The following AHCYL2 variants were observed in gnomAD, a reference collection of about 807,000 sequenced individuals.
AHCYL2 encodes the protein S-adenosylhomocysteine hydrolase-like protein 2.
A neutral mutation model predicts 81.4 loss-of-function variants in AHCYL2; 28 were observed. The ratio of observed to expected loss-of-function variants is 0.34; its 90% CI spans 0.25 to 0.47. AHCYL2 has a LOEUF of 0.47. AHCYL2 is among the 20% of genes least tolerant of loss of function. The pLI is 1.00. For synonymous variants in AHCYL2, 272 were observed against 290.2 expected, an observed-to-expected ratio of 0.94 and a Z score of 0.64; for missense variants, 551 against 785.1, an observed-to-expected ratio of 0.70 and a Z score of 3.56.
intron 13 of AHCYL2, 97 bp from the exon 14 acceptor site, chr7:129,424,777 A>T: frequency 7.9e-7 from 1 of 1,265,690 alleles, no homozygotes; most frequent in Non-Finnish European, 1.2e-6. Context: ...TTAGTCAGGA[A>T]GTGTTTGGAA....
At chr7:129,391,536 C>G (rs931429091) in intron 4 of AHCYL2, among the ~76,000 whole-genome samples, 10 of 152,152 alleles carry the variant, frequency 6.6e-5, no homozygotes, top group African/African-American at 1.9e-4. Flanking sequence ...TTGTGGCAAC[C>G]AAAAATGCCC....
At chr7:129,316,837 AC>A (rs1797840374) in intron 1 of AHCYL2, among the ~76,000 whole-genome samples, 1 of 152,260 alleles carries the variant, frequency 6.6e-6, no homozygotes, top group Admixed American at 6.5e-5. Flanking sequence ...AACAACAACA[AC>A]AACAGATGAA....
chr7:129,357,847 T>C (rs555303649), intron 1 of AHCYL2, among the ~76,000 whole-genome samples: 1 of 149,622 alleles, frequency 6.7e-6, no homozygotes, highest in Non-Finnish European at 1.5e-5. Flanking sequence ...GGCAGGAGAA[T>C]AGCGTGAATC....
At position 129,279,970 on chromosome 7, in the gene AHCYL2, T is replaced by A. The variant is rs543964891; in HGVS notation, c.363+54531T>A. Among the ~76,000 whole-genome samples the A allele has an allele frequency of 2.0e-5, 3 of 152,264 alleles. No individual in the cohort carries two copies. The East Asian group carries it at 5.8e-4, about 29-fold the overall frequency. On this transcript the variant is annotated intron_variant, in intron 1 of 16. Coordinates refer to ENST00000325006, the MANE Select transcript of AHCYL2 (RefSeq NM_015328.4). Reference sequence around the variant, plus strand: ...CAGTGGTGTCTTAGTTACCTGTGTCTTGTGCCAACCTCCTATCTCATCCTG... The same window carrying A: ...CAGTGGTGTCTTAGTTACCTGTGTCATGTGCCAACCTCCTATCTCATCCTG...
At chr7:129,288,981 C>A (rs926441589) in intron 1 of AHCYL2, among the ~76,000 whole-genome samples, 1 of 152,004 alleles carries the variant, frequency 6.6e-6, no homozygotes, top group East Asian at 1.9e-4. Flanking sequence ...AGAGTTTTAC[C>A]GTGTTGCCCA....
intron 1 of AHCYL2, among the ~76,000 whole-genome samples, chr7:129,315,939 T>C (rs1797813188): frequency 6.6e-6 from 1 of 152,218 alleles, no homozygotes. Flanking sequence ...AATTCTACTC[T>C]TGTTTCAGAG....
At chr7:129,237,317 C>G (rs539046418) in intron 1 of AHCYL2, among the ~76,000 whole-genome samples, 60 of 152,178 alleles carry the variant, frequency 3.9e-4, no homozygotes, top group Admixed American at 1.0e-3. Context: ...TGAGATAGCT[C>G]TATTTGTTCC....
chr7:129,319,741 A>G (rs1048355705), intron 1 of AHCYL2, among the ~76,000 whole-genome samples: 4 of 152,228 alleles, frequency 2.6e-5, no homozygotes, highest in Non-Finnish European at 4.4e-5. Flanking sequence ...CATTCACGTT[A>G]CAGCACGTAT....
chr7:129,389,223 CT>C, intron 3 of AHCYL2, 24 bp downstream of exon 3: 1 of 1,613,406 alleles, frequency 6.2e-7, no homozygotes. Flanking sequence ...GCACCTTTTC[CT>C]TCTTAACCTA....
chr7:129,345,988 A>C (rs1034544666), intron 1 of AHCYL2, among the ~76,000 whole-genome samples: 2 of 152,140 alleles, frequency 1.3e-5, no homozygotes, highest in Non-Finnish European at 2.9e-5. Flanking sequence ...TAGATCTGAG[A>C]GATCTGGGCT....
At chr7:129,288,349 AT>A (rs1796711306) in intron 1 of AHCYL2, among the ~76,000 whole-genome samples, 1 of 151,926 alleles carries the variant, frequency 6.6e-6, no homozygotes, top group South Asian at 2.1e-4. Context: ...TTGTATTTGT[AT>A]TTATTTTAAT....
At chr7:129,227,487 A>C in intron 1 of AHCYL2, among the ~76,000 whole-genome samples, 2 of 145,986 alleles carry the variant, frequency 1.4e-5, no homozygotes, top group Admixed American at 6.9e-5. Flanking sequence ...AGAGCCGGGC[A>C]TGGTGGTGTG....
chr7:129,356,407 C>T (rs1422483878), intron 1 of AHCYL2, among the ~76,000 whole-genome samples: 1 of 152,186 alleles, frequency 6.6e-6, no homozygotes, highest in Non-Finnish European at 1.5e-5. Context: ...CCTCAATTCT[C>T]CTACAGCCTT....
In AHCYL2 at chr7:129,230,697, C is replaced by T. The variant is rs569094763; in HGVS notation, c.363+5258C>T. Among the ~76,000 whole-genome samples, 16 of 151,492 alleles carry T rather than the reference C, an allele frequency of 1.1e-4. No homozygotes were observed. The South Asian group carries it at 3.1e-3, about 30-fold the overall frequency. On this transcript the variant is annotated intron_variant, in intron 1 of 16. Coordinates refer to ENST00000325006, the MANE Select transcript of AHCYL2 (RefSeq NM_015328.4). Reference sequence around the variant, plus strand: ...AAGTGATTCTTCTGCCTCAGCCTCCCGAGTAGCTGGGACTACAGGTGCACG... The same window carrying T: ...AAGTGATTCTTCTGCCTCAGCCTCCTGAGTAGCTGGGACTACAGGTGCACG...
intron 1 of AHCYL2, among the ~76,000 whole-genome samples, chr7:129,248,711 A>G (rs1795146160): frequency 1.3e-5 from 2 of 151,856 alleles, no homozygotes; most frequent in South Asian, 4.1e-4. Context: ...GTTTACAGAA[A>G]AAGCTTGCTA....
At chr7:129,351,875 C>T (rs577726314) in intron 1 of AHCYL2, among the ~76,000 whole-genome samples, 1 of 152,110 alleles carries the variant, frequency 6.6e-6, no homozygotes, top group Non-Finnish European at 1.5e-5. Context: ...TGACATTTTG[C>T]ACTAATGGTA....
chr7:129,243,738 C>G (rs557412498), intron 1 of AHCYL2, among the ~76,000 whole-genome samples: 1 of 151,794 alleles, frequency 6.6e-6, no homozygotes, highest in Admixed American at 6.6e-5. Flanking sequence ...CCCACCACCA[C>G]GCCCAGCTAA....
chr7:129,358,599 A>G (rs1793825959), intron 1 of AHCYL2, among the ~76,000 whole-genome samples: 2 of 152,150 alleles, frequency 1.3e-5, no homozygotes, highest in African/African-American at 4.8e-5. Context: ...GGGAAGGGAG[A>G]ATGAGGAATT....
chr7:129,394,823 A>C (rs1351704173), intron 4 of AHCYL2, among the ~76,000 whole-genome samples: 2 of 152,206 alleles, frequency 1.3e-5, no homozygotes, highest in African/African-American at 2.4e-5. Flanking sequence ...TTTCTCAACT[A>C]GATCCTTTAA....
Sources: allele counts gnomAD v4.1 joint callset (sites outside exome capture counted in the v4.1 genomes callset), GRCh38; gene constraint gnomAD v4.1.1; transcripts MANE v1.5; gene names NCBI Gene and HGNC (gene_info 2026-07-23, HGNC 2026-07-21).